Variants in SH3RF3 observed in about 807,000 individuals in gnomAD.
SH3RF3 encodes SH3 domain containing ring finger 3, also known as E3 ubiquitin-protein ligase SH3RF3.
SH3RF3 carries 29 observed loss-of-function variants against 66.3 expected under a neutral mutation model. The observed-to-expected ratio is 0.44, with a 90% confidence interval of 0.33 to 0.60. The LOEUF (loss-of-function observed/expected upper bound fraction) is 0.60. Among genes scored for constraint, SH3RF3 ranks in the 20% least tolerant of loss-of-function variants. The pLI is 0.04. For missense variants in SH3RF3, 1,194 were observed against 1,190.9 expected, an observed-to-expected ratio of 1.00 and a Z score of -0.04; for synonymous variants, 583 against 532.0, an observed-to-expected ratio of 1.10 and a Z score of -1.32.
intron 1 of SH3RF3, among the ~76,000 whole-genome samples, chr2:109,303,576 G>A (rs1243382558): frequency 1.3e-5 from 2 of 152,238 alleles, no homozygotes; most frequent in Non-Finnish European, 2.9e-5. Flanking sequence ...ACCCGATGAT[G>A]CCCAAGGGAC....
intron 1 of SH3RF3, among the ~76,000 whole-genome samples, chr2:109,267,397 G>A (rs6755578): frequency 0.31 from 47,556 of 152,030 alleles, 7,769 homozygotes; most frequent in South Asian, 0.37. Context: ...TGCTGAGCTT[G>A]CCCGAAGAAA....
intron 3 of SH3RF3, among the ~76,000 whole-genome samples, chr2:109,391,355 G>A (rs1399705385): frequency 6.6e-6 from 1 of 152,230 alleles, no homozygotes; most frequent in Non-Finnish European, 1.5e-5. Context: ...CAAGAGGACA[G>A]GATGGGAAAG....
chr2:109,210,112 G>A (rs1348017416), intron 1 of SH3RF3, among the ~76,000 whole-genome samples: 1 of 152,104 alleles, frequency 6.6e-6, no homozygotes, highest in African/African-American at 2.4e-5. Flanking sequence ...AGGATTCATC[G>A]ACATAGCCGC....
chr2:109,377,496 A>T (rs1683415080), intron 3 of SH3RF3, among the ~76,000 whole-genome samples: 1 of 152,154 alleles, frequency 6.6e-6, no homozygotes, highest in South Asian at 2.1e-4. Context: ...GCCAGACCCA[A>T]GCCTCTGTCT....
intron 1 of SH3RF3, among the ~76,000 whole-genome samples, chr2:109,302,404 A>C (rs967794719): frequency 6.6e-6 from 1 of 152,268 alleles, no homozygotes; most frequent in Non-Finnish European, 1.5e-5. Context: ...ACCCAAACAC[A>C]GAACTGGTGC....
intron 1 of SH3RF3, among the ~76,000 whole-genome samples, chr2:109,307,340 A>G (rs1219448659): frequency 2.0e-5 from 3 of 152,186 alleles, no homozygotes; most frequent in Non-Finnish European, 4.4e-5. Context: ...ACTTGGCCAG[A>G]AGTTAGGAGG....
chr2:109,335,079 G>A (rs1682380235), intron 1 of SH3RF3, among the ~76,000 whole-genome samples: 1 of 152,228 alleles, frequency 6.6e-6, no homozygotes, highest in Non-Finnish European at 1.5e-5. Context: ...TGGGATCATG[G>A]TGGTCATACC....
chr2:109,191,637 G>T (rs1678367579), intron 1 of SH3RF3, among the ~76,000 whole-genome samples: 1 of 152,170 alleles, frequency 6.6e-6, no homozygotes, highest in Admixed American at 6.5e-5. Flanking sequence ...AGCAAGAGCA[G>T]TCCCAATAAT....
intron 1 of SH3RF3, among the ~76,000 whole-genome samples, chr2:109,189,045 A>G (rs967055719): frequency 6.6e-6 from 1 of 151,882 alleles, no homozygotes; most frequent in African/African-American, 2.4e-5. Flanking sequence ...CCACCCTCCC[A>G]TAGGAGTCCC....
chr2:109,416,747 G>A (rs181616934), intron 4 of SH3RF3, among the ~76,000 whole-genome samples: 10 of 151,574 alleles, frequency 6.6e-5, no homozygotes, highest in African/African-American at 1.7e-4. Flanking sequence ...CAACAACAAC[G>A]AACAAAATAT....
At chr2:109,322,657 T>G (rs1682053267) in intron 1 of SH3RF3, among the ~76,000 whole-genome samples, 1 of 152,238 alleles carries the variant, frequency 6.6e-6, no homozygotes, top group Non-Finnish European at 1.5e-5. Flanking sequence ...AGAAATAACC[T>G]TTTAAAAAGG....
intron 1 of SH3RF3, among the ~76,000 whole-genome samples, chr2:109,240,415 G>C (rs1011459005): frequency 6.6e-6 from 1 of 152,128 alleles, no homozygotes; most frequent in Non-Finnish European, 1.5e-5. Flanking sequence ...TTAAACCTGG[G>C]AGGCGGAGCT....
chr2:109,131,790 ACTTT>A (rs1676702283), intron 1 of SH3RF3, among the ~76,000 whole-genome samples: 1 of 152,130 alleles, frequency 6.6e-6, no homozygotes, highest in Admixed American at 6.5e-5. Context: ...CCCTTGGTTG[ACTTT>A]CTTTATGGGT....
intron 1 of SH3RF3, among the ~76,000 whole-genome samples, chr2:109,331,601 C>A (rs1476542374): frequency 6.6e-6 from 1 of 152,202 alleles, no homozygotes; most frequent in Non-Finnish European, 1.5e-5. Flanking sequence ...CTTCACTATA[C>A]TACGTACTTT....
At chr2:109,246,652 T>A (rs1470414693) in intron 1 of SH3RF3, among the ~76,000 whole-genome samples, 3 of 152,220 alleles carry the variant, frequency 2.0e-5, no homozygotes, top group African/African-American at 7.2e-5. Flanking sequence ...CGTGTCTTAT[T>A]TGACCTGTGG....
At chr2:109,409,571 C>T (rs1427271163) in intron 4 of SH3RF3, among the ~76,000 whole-genome samples, 2 of 152,132 alleles carry the variant, frequency 1.3e-5, no homozygotes, top group Non-Finnish European at 2.9e-5. Context: ...TGGCCTCCAT[C>T]TTCAGTGGTG....
chr2:109,194,087 T>TA (rs1341385344), intron 1 of SH3RF3, among the ~76,000 whole-genome samples: 2 of 152,318 alleles, frequency 1.3e-5, no homozygotes, highest in East Asian at 3.9e-4. Context: ...GATATTCTGA[T>TA]AAAAACTCCC....
intron 4 of SH3RF3, among the ~76,000 whole-genome samples, chr2:109,409,379 C>T (rs1676529731): frequency 1.9e-4 from 29 of 152,218 alleles, no homozygotes; most frequent in Admixed American, 1.9e-3. Flanking sequence ...CTCCACCCTG[C>T]AGTATCAGAG....
At chr2:109,413,043 T>C (rs975102749) in intron 4 of SH3RF3, among the ~76,000 whole-genome samples, 4 of 152,224 alleles carry the variant, frequency 2.6e-5, no homozygotes, top group African/African-American at 7.2e-5. Flanking sequence ...GTGCAGGTTT[T>C]TCGTATCATA....
Sources: gnomAD v4.1 joint callset for allele counts (sites outside exome capture counted in the v4.1 genomes callset) on GRCh38, gnomAD v4.1.1 for gene constraint, MANE v1.5 for transcripts, NCBI Gene and HGNC (gene_info 2026-07-23, HGNC 2026-07-21) for gene names.